The following SLC22A4 variants were observed in gnomAD, a reference collection of about 807,000 sequenced individuals.
SLC22A4 encodes solute carrier family 22 member 4.
Under a neutral mutation model 56.6 loss-of-function variants are expected in SLC22A4, and 39 were observed. That is an observed-to-expected ratio of 0.69 (90% confidence interval 0.53 to 0.90). The LOEUF (loss-of-function observed/expected upper bound fraction) is 0.90, where lower values mean the gene tolerates loss of function less well. Ranked by LOEUF, SLC22A4 falls within the 40% of genes least tolerant of loss-of-function variation. The probability of loss-of-function intolerance (pLI) is 0.00; values close to 1 mark genes in which losing one functional copy is unlikely to be tolerated. For synonymous variants in SLC22A4, 241 were observed against 281.4 expected, an observed-to-expected ratio of 0.86 and a Z score of 1.44; for missense variants, 594 against 696.5, an observed-to-expected ratio of 0.85 and a Z score of 1.66.
chr5:132,314,255 C>T (rs1413112150), intron 3 of SLC22A4, among the ~76,000 whole-genome samples: 1 of 152,160 alleles, frequency 6.6e-6, no homozygotes, highest in African/African-American at 2.4e-5. Flanking sequence ...CTGGCCTCAC[C>T]CTGAGTTAGA....
chr5:132,335,981 C>T lies in SLC22A4; in HGVS notation c.1425C>T (p.Ala475=). ...CCTCCAGAGTGGGCAGCATCATTGC[C>T]CCCTACTTTGTTTACCTCGGTGAGC... ...STASRVGSII[A]PYFVYLGAYN... is the part of the protein sequence containing the mutation. Residue 475 remains alanine, a synonymous_variant, in exon 8 of 10, where the codon GCC becomes GCT. Coordinates refer to ENST00000200652, the MANE Select transcript of SLC22A4 (RefSeq NM_003059.3). 6.2e-7 allele frequency: 1 copy of T among 1,614,094 alleles called. No homozygotes were observed. The highest frequency in any genetic ancestry group is 8.5e-7 in the Non-Finnish European group (1 of 1,179,984).
chr5:132,327,948 C>A (rs2126728879), intron 5 of SLC22A4, among the ~76,000 whole-genome samples: 1 of 152,294 alleles, frequency 6.6e-6, no homozygotes, highest in South Asian at 2.1e-4. Flanking sequence ...AGCAGCCACA[C>A]CTCCTGACAG....
At chr5:132,325,319 A>G (rs1462424297) in intron 4 of SLC22A4, among the ~76,000 whole-genome samples, 1 of 152,218 alleles carries the variant, frequency 6.6e-6, no homozygotes, top group Non-Finnish European at 1.5e-5. Flanking sequence ...AGTAAATAAA[A>G]TTGAATTTTC....
At chr5:132,317,549 A>G (rs899656530) in intron 3 of SLC22A4, among the ~76,000 whole-genome samples, 2 of 152,216 alleles carry the variant, frequency 1.3e-5, no homozygotes, top group African/African-American at 4.8e-5. Flanking sequence ...TCCATTCATC[A>G]GTCATTGAAC....
intron 5 of SLC22A4, among the ~76,000 whole-genome samples, chr5:132,328,907 A>G (rs55711837): frequency 0.62 from 90,345 of 145,404 alleles, 28,515 homozygotes; most frequent in African/African-American, 0.7. Flanking sequence ...GTATGTGTAT[A>G]TATATATATA....
At chr5:132,324,333 C>G in intron 4 of SLC22A4, 1 of 348,926 alleles carries the variant, frequency 2.9e-6, no homozygotes, top group Non-Finnish European at 5.8e-6. Flanking sequence ...TATGTCACAG[C>G]GAGGAACGAA....
chr5:132,337,780 G>A (rs1262721038), intron 8 of SLC22A4, among the ~76,000 whole-genome samples: 4 of 149,942 alleles, frequency 2.7e-5, no homozygotes, highest in Non-Finnish European at 5.9e-5. Context: ...CTGTCACCCA[G>A]GCTGGAGTAC....
intron 3 of SLC22A4, among the ~76,000 whole-genome samples, chr5:132,318,233 T>C (rs554282124): frequency 6.6e-6 from 1 of 152,252 alleles, no homozygotes; most frequent in African/African-American, 2.4e-5. Context: ...TTTCCATCAC[T>C]CCCCTGACAT....
Position 132,335,852 on chromosome 5 carries a change from G to A in SLC22A4, c.1296G>A (p.Leu432=), listed in dbSNP as rs1267963445. 6.8e-6 allele frequency: 11 copies of A among 1,613,996 alleles called. No individual in the cohort carries two copies. The highest frequency in any genetic ancestry group is 9.3e-6 in the Non-Finnish European group (11 of 1,180,002). Residue 432 remains leucine, a synonymous_variant, in exon 8 of 10, where the codon CTG becomes CTA. Transcript: ENST00000200652. ...YYFLSIGLVM[L]GKFGITSAFS... ...TCTTATCCATTGGTCTGGTCATGCT[G>A]GGAAAATTTGGGATCACCTCTGCTT...
At chr5:132,343,218 C>T (rs1751273393) in intron 9 of SLC22A4, among the ~76,000 whole-genome samples, 1 of 152,224 alleles carries the variant, frequency 6.6e-6, no homozygotes, top group Non-Finnish European at 1.5e-5. Context: ...TCGAGTAACA[C>T]TGCCTGGCTT....
intron 1 of SLC22A4, among the ~76,000 whole-genome samples, chr5:132,309,570 C>G (rs757062571): frequency 6.6e-6 from 1 of 152,218 alleles, no homozygotes; most frequent in Non-Finnish European, 1.5e-5. Flanking sequence ...TCCCAGTGTC[C>G]CCATTCAGAA....
intron 4 of SLC22A4, among the ~76,000 whole-genome samples, chr5:132,327,067 C>G (rs1750710344): frequency 6.6e-6 from 1 of 152,226 alleles, no homozygotes; most frequent in Admixed American, 6.5e-5. Flanking sequence ...TCAAGCACAA[C>G]TGATGATCGG....
At chr5:132,323,703 A>G (rs981782807) in intron 4 of SLC22A4, among the ~76,000 whole-genome samples, 2 of 152,216 alleles carry the variant, frequency 1.3e-5, no homozygotes, top group African/African-American at 4.8e-5. Context: ...AATTATCATC[A>G]TCATCATCTG....
chr5:132,331,112 T>C (rs1415758684), intron 5 of SLC22A4, among the ~76,000 whole-genome samples: 1 of 151,990 alleles, frequency 6.6e-6, no homozygotes, highest in Non-Finnish European at 1.5e-5. Flanking sequence ...GTGGGCAGAC[T>C]GCTTGAGGCC....
intron 1 of SLC22A4, among the ~76,000 whole-genome samples, chr5:132,301,014 C>T (rs1029933634): frequency 2.3e-4 from 35 of 152,218 alleles, no homozygotes; most frequent in African/African-American, 8.2e-4. Context: ...GAGAAGAGGC[C>T]CTGCGTGTGA....
At chr5:132,340,051 T>G (rs975195634) in intron 8 of SLC22A4, among the ~76,000 whole-genome samples, 3 of 147,196 alleles carry the variant, frequency 2.0e-5, no homozygotes, top group Non-Finnish European at 4.5e-5. Context: ...GAAGTGAACA[T>G]AATACTTAGT....
chr5:132,315,967 C>T (rs1750343776), intron 3 of SLC22A4, among the ~76,000 whole-genome samples: 1 of 152,154 alleles, frequency 6.6e-6, no homozygotes, highest in Non-Finnish European at 1.5e-5. Flanking sequence ...GGACACAGTA[C>T]AAAGGCAAGG....
At chr5:132,328,903 G>GTGTGTATATA (rs1180080096) in intron 5 of SLC22A4, among the ~76,000 whole-genome samples, 61 of 96,412 alleles carry the variant, frequency 6.3e-4, no homozygotes, top group African/African-American at 2.6e-3. Flanking sequence ...GTGTGTATGT[G>GTGTGTATATA]TATATATATA....
At chr5:132,330,275 G>A (rs1412440634) in intron 5 of SLC22A4, among the ~76,000 whole-genome samples, 2 of 152,144 alleles carry the variant, frequency 1.3e-5, no homozygotes, top group Non-Finnish European at 2.9e-5. Context: ...CTCTTACTGC[G>A]CATGCACTGT....
Sources: allele counts gnomAD v4.1 joint callset (sites outside exome capture counted in the v4.1 genomes callset), GRCh38; gene constraint gnomAD v4.1.1; transcripts MANE v1.5; gene names NCBI Gene and HGNC (gene_info 2026-07-23, HGNC 2026-07-21).